PTCHD4: variants seen among roughly 807,000 people sequenced by gnomAD.
PTCHD4 encodes patched domain containing 4.
PTCHD4 carries 33 observed loss-of-function variants against 58.1 expected under a neutral mutation model. That is an observed-to-expected ratio of 0.57 (90% CI 0.43 to 0.76). The LOEUF (loss-of-function observed/expected upper bound fraction) is 0.76, where lower values mean the gene tolerates loss of function less well. PTCHD4 is among the 30% of genes least tolerant of loss of function. The pLI is 0.00. For missense variants in PTCHD4, 1,058 were observed against 1,027.1 expected (o/e 1.03, Z -0.41); for synonymous variants, 478 against 409.6 (o/e 1.17, Z -2.02).
intron 4 of PTCHD4, among the ~76,000 whole-genome samples, chr6:47,922,665 CA>C (rs1243113511): frequency 1.3e-5 from 2 of 152,180 alleles, no homozygotes; most frequent in Non-Finnish European, 2.9e-5. Context: ...TGCCCTTGTT[CA>C]ATGAACTCTT....
chr6:48,105,250 G>C (rs1363352539), intron 1 of PTCHD4, among the ~76,000 whole-genome samples: 1 of 151,670 alleles, frequency 6.6e-6, no homozygotes. Context: ...ATGACAAACT[G>C]TCTCTCAGAC....
At chr6:48,098,345 T>TTCTTCTTCTTC (rs1309210161) in intron 1 of PTCHD4, among the ~76,000 whole-genome samples, 31 of 134,604 alleles carry the variant, frequency 2.3e-4, no homozygotes, top group African/African-American at 7.8e-4. Context: ...TCTTCTTCTT[T>TTCTTCTTCTTC]TTTTTTTTTT....
intron 3 of PTCHD4, among the ~76,000 whole-genome samples, chr6:48,016,504 T>C (rs1762873219): frequency 6.6e-6 from 1 of 151,980 alleles, no homozygotes; most frequent in Non-Finnish European, 1.5e-5. Flanking sequence ...TAAGAAAATG[T>C]CAGCTGAGGC....
At chr6:47,945,232 G>A (rs930954789) in intron 4 of PTCHD4, among the ~76,000 whole-genome samples, 9 of 151,890 alleles carry the variant, frequency 5.9e-5, no homozygotes, top group South Asian at 4.1e-4. Context: ...TCAAGAATTC[G>A]CCTGGTTTAC....
intron 4 of PTCHD4, among the ~76,000 whole-genome samples, chr6:47,884,406 A>G (rs930576553): frequency 6.6e-6 from 1 of 152,064 alleles, no homozygotes; most frequent in African/African-American, 2.4e-5. Context: ...AGCTTTTTCT[A>G]ATAGTATTTT....
At chr6:48,028,469 A>T (rs1023460270) in intron 3 of PTCHD4, among the ~76,000 whole-genome samples, 1 of 152,178 alleles carries the variant, frequency 6.6e-6, no homozygotes, top group African/African-American at 2.4e-5. Flanking sequence ...TGATGAAGCT[A>T]GCTAAAATTT....
At chr6:48,105,900 G>A (rs1002155506) in intron 1 of PTCHD4, among the ~76,000 whole-genome samples, 36 of 152,202 alleles carry the variant, frequency 2.4e-4, no homozygotes, top group African/African-American at 8.4e-4. Context: ...ACTAAACCAG[G>A]AAGAAGTTGA....
chr6:48,026,985 A>G (rs566081533), intron 3 of PTCHD4, among the ~76,000 whole-genome samples: 2 of 152,054 alleles, frequency 1.3e-5, no homozygotes, highest in South Asian at 4.2e-4. Flanking sequence ...AGAGCCAACT[A>G]TTTTATATGA....
intron 3 of PTCHD4, among the ~76,000 whole-genome samples, chr6:48,042,870 C>A (rs1763892850): frequency 6.6e-6 from 1 of 151,916 alleles, no homozygotes; most frequent in Non-Finnish European, 1.5e-5. Context: ...GCACCTCAGA[C>A]TGTTACCTGA....
intron 4 of PTCHD4, among the ~76,000 whole-genome samples, chr6:48,006,755 G>T (rs1485534590): frequency 6.6e-6 from 1 of 152,168 alleles, no homozygotes. Flanking sequence ...AAAGCCAAGG[G>T]CTGTTTTCTA....
chr6:47,951,645 T>A (rs1766657346), intron 4 of PTCHD4, among the ~76,000 whole-genome samples: 1 of 152,200 alleles, frequency 6.6e-6, no homozygotes, highest in Admixed American at 6.6e-5. Flanking sequence ...GTATTTGTTT[T>A]GGTTCCTAAA....
intron 4 of PTCHD4, among the ~76,000 whole-genome samples, chr6:47,960,929 A>G (rs1246512974): frequency 6.6e-6 from 1 of 150,918 alleles, no homozygotes; most frequent in Non-Finnish European, 1.5e-5. Flanking sequence ...GGAAACTGCT[A>G]TCAATTGTCT....
chr6:48,073,645 A>G (rs959577834), intron 1 of PTCHD4, among the ~76,000 whole-genome samples: 9 of 152,272 alleles, frequency 5.9e-5, no homozygotes, highest in Admixed American at 3.3e-4. Flanking sequence ...TCAGGCCTGG[A>G]TTCCACAAAG....
intron 4 of PTCHD4, among the ~76,000 whole-genome samples, chr6:48,005,078 A>G (rs1393106968): frequency 6.6e-6 from 1 of 152,222 alleles, no homozygotes; most frequent in Non-Finnish European, 1.5e-5. Flanking sequence ...AAGTATAAAA[A>G]TTGTCACTGG....
At chr6:47,887,871 G>A (rs1490008252) in intron 4 of PTCHD4, among the ~76,000 whole-genome samples, 1 of 152,176 alleles carries the variant, frequency 6.6e-6, no homozygotes, top group Non-Finnish European at 1.5e-5. Flanking sequence ...TTCTTATATA[G>A]CCCACAAAGG....
At chr6:48,003,690 C>T (rs575765762) in intron 4 of PTCHD4, among the ~76,000 whole-genome samples, 3 of 152,288 alleles carry the variant, frequency 2.0e-5, no homozygotes, top group Non-Finnish European at 4.4e-5. Flanking sequence ...TCTCAAAATA[C>T]TTCAAACAGC....
chr6:47,902,851 C>T (rs919062680), intron 4 of PTCHD4, among the ~76,000 whole-genome samples: 32 of 152,162 alleles, frequency 2.1e-4, no homozygotes, highest in African/African-American at 7.2e-4. Context: ...AACATACATT[C>T]GTATAATAGT....
intron 4 of PTCHD4, among the ~76,000 whole-genome samples, chr6:47,971,699 C>T (rs746700342): frequency 1.3e-5 from 2 of 152,138 alleles, no homozygotes; most frequent in African/African-American, 4.8e-5. Context: ...CTTCCTTCCT[C>T]AGAATGCACT....
intron 4 of PTCHD4, among the ~76,000 whole-genome samples, chr6:47,992,178 A>C (rs912564632): frequency 5.3e-5 from 8 of 152,152 alleles, no homozygotes; most frequent in African/African-American, 1.9e-4. Flanking sequence ...AATATTAGAA[A>C]ATAGACTTTA....
Sources: gnomAD v4.1 joint callset for allele counts (sites outside exome capture counted in the v4.1 genomes callset) on GRCh38, gnomAD v4.1.1 for gene constraint, MANE v1.5 for transcripts, NCBI Gene and HGNC (gene_info 2026-07-23, HGNC 2026-07-21) for gene names.